The following HTR7 variants were observed in gnomAD, a reference collection of about 807,000 sequenced individuals.
The protein encoded by HTR7 is 5-hydroxytryptamine receptor 7.
In HTR7, 16 loss-of-function variants were observed where a neutral mutation model predicts 34.0. That is an observed-to-expected ratio of 0.47 (90% confidence interval 0.32 to 0.71). The LOEUF (loss-of-function observed/expected upper bound fraction) is 0.71. Ranked by LOEUF, HTR7 falls within the 30% of genes least tolerant of loss-of-function variation. HTR7 has a pLI of 0.04. For synonymous variants in HTR7, 265 were observed against 260.2 expected (o/e 1.02, Z -0.18); for missense variants, 504 against 625.5 (o/e 0.81, Z 2.07).
At chr10:90,835,859 G>T (rs1846244920) in intron 1 of HTR7, among the ~76,000 whole-genome samples, 1 of 152,042 alleles carries the variant, frequency 6.6e-6, no homozygotes. Context: ...GAATCTCAAA[G>T]AATGTTTAGG....
chr10:90,843,129 CCTT>C (rs931728395), intron 1 of HTR7, among the ~76,000 whole-genome samples: 21 of 152,222 alleles, frequency 1.4e-4, no homozygotes, highest in African/African-American at 4.8e-4. Flanking sequence ...CTCCTTCCCT[CCTT>C]TTTTTTCCTT....
At chr10:90,808,478 G>A (rs150024681) in intron 1 of HTR7, among the ~76,000 whole-genome samples, 38 of 152,146 alleles carry the variant, frequency 2.5e-4, no homozygotes, top group African/African-American at 7.7e-4. Flanking sequence ...TCTGCGCCCC[G>A]ATCCCTTATG....
intron 1 of HTR7, among the ~76,000 whole-genome samples, chr10:90,763,671 G>C (rs1844974330): frequency 6.6e-6 from 1 of 152,038 alleles, no homozygotes; most frequent in South Asian, 2.1e-4. Flanking sequence ...CTGTGTCCAT[G>C]AGTTCTCACT....
At chr10:90,751,902 G>A (rs1324535181) in intron 1 of HTR7, among the ~76,000 whole-genome samples, 1 of 151,942 alleles carries the variant, frequency 6.6e-6, no homozygotes, top group African/African-American at 2.4e-5. Context: ...AGATTAATCC[G>A]GAGAGATTAA....
chr10:90,806,954 G>T (rs370920173), intron 1 of HTR7, among the ~76,000 whole-genome samples: 1 of 152,196 alleles, frequency 6.6e-6, no homozygotes, highest in African/African-American at 2.4e-5. Flanking sequence ...CAAGAAGGTA[G>T]CTAATGTGAG....
Position 90,743,506 on chromosome 10 carries a change from C to T in HTR7, c.1393+87G>A, listed in dbSNP as rs557501835. On this transcript the variant is annotated intron_variant, in intron 3 of 3. Transcript: ENST00000336152. Reference sequence around the variant, plus strand: ...AGGAGAGACAGTGCTTTCTCCAGCTCAGCACGGCTCTGCTCACATAGTTCA... The same window carrying T: ...AGGAGAGACAGTGCTTTCTCCAGCTTAGCACGGCTCTGCTCACATAGTTCA... The T allele has an allele frequency of 1.0e-5, 11 of 1,069,912 alleles. 1 individual carries two copies. Among genetic ancestry groups the T allele is most frequent in the South Asian group, 1.0e-4 (8 of 78,208 alleles). 66.3% of individuals were successfully genotyped at this position (1,069,912 alleles called of 1,614,324 possible). A position where few individuals can be genotyped will look rare whatever the true frequency, so the allele number is the denominator to read the frequency against.
intron 1 of HTR7, among the ~76,000 whole-genome samples, chr10:90,812,317 A>T (rs1295992043): frequency 6.6e-6 from 1 of 152,078 alleles, no homozygotes; most frequent in African/African-American, 2.4e-5. Flanking sequence ...GCTCTTGTTT[A>T]CACTGCCGGT....
At chr10:90,771,771 A>G (rs1303636357) in intron 1 of HTR7, among the ~76,000 whole-genome samples, 1 of 152,204 alleles carries the variant, frequency 6.6e-6, no homozygotes, top group African/African-American at 2.4e-5. Context: ...GGCTGGTAGC[A>G]CAAGCCAAGT....
chr10:90,842,057 T>C (rs1846337598), intron 1 of HTR7, among the ~76,000 whole-genome samples: 1 of 152,098 alleles, frequency 6.6e-6, no homozygotes, highest in Non-Finnish European at 1.5e-5. Flanking sequence ...TGTTATGGTT[T>C]GAATGTATAT....
At chr10:90,823,563 G>GA (rs1042294952) in intron 1 of HTR7, among the ~76,000 whole-genome samples, 1 of 152,200 alleles carries the variant, frequency 6.6e-6, no homozygotes, top group African/African-American at 2.4e-5. Flanking sequence ...TTTGGACTTG[G>GA]ACTTTTGAGT....
intron 1 of HTR7, among the ~76,000 whole-genome samples, chr10:90,754,796 T>G (rs1263751426): frequency 1.3e-5 from 2 of 152,184 alleles, no homozygotes; most frequent in East Asian, 1.9e-4. Flanking sequence ...TGCTATAGAA[T>G]GATAATTTAG....
chr10:90,856,018 A>T (rs1332460450), intron 1 of HTR7, among the ~76,000 whole-genome samples: 1 of 152,212 alleles, frequency 6.6e-6, no homozygotes, highest in Non-Finnish European at 1.5e-5. Flanking sequence ...AAAAAAAGGA[A>T]AATCTCAGTT....
intron 1 of HTR7, among the ~76,000 whole-genome samples, chr10:90,831,572 C>T (rs767445523): frequency 1.3e-5 from 2 of 152,196 alleles, no homozygotes; most frequent in Non-Finnish European, 2.9e-5. Flanking sequence ...GGGACCCCAG[C>T]GGGTTGCCAC....
intron 1 of HTR7, among the ~76,000 whole-genome samples, chr10:90,800,922 A>G (rs572061743): frequency 5.9e-5 from 9 of 152,314 alleles, no homozygotes; most frequent in Non-Finnish European, 7.3e-5. Flanking sequence ...ATTAACTCTG[A>G]CGGGATCTCA....
intron 1 of HTR7, among the ~76,000 whole-genome samples, chr10:90,815,383 T>A (rs1016563761): frequency 6.6e-6 from 1 of 152,196 alleles, no homozygotes; most frequent in Non-Finnish European, 1.5e-5. Context: ...AAAGTTGGAA[T>A]GTTTAAACAG....
chr10:90,754,615 A>G (rs1047859340), intron 1 of HTR7, among the ~76,000 whole-genome samples: 8 of 152,220 alleles, frequency 5.3e-5, no homozygotes, highest in African/African-American at 1.9e-4. Flanking sequence ...TATGCAACTC[A>G]CAATAGGGGT....
In HTR7 at chr10:90,821,479, T is replaced by G. The variant is rs186603146; in HGVS notation, c.539+35654A>C. On this transcript the variant is annotated intron_variant, in intron 1 of 3. Coordinates refer to ENST00000336152, the MANE Select transcript of HTR7 (RefSeq NM_019859.4). ...AAGGGGAATTGTCCCTGCCAGCAGTTAGAACTTGAGTTCCAGCAAGCCTTG... is the reference window on the plus strand; with the variant it reads ...AAGGGGAATTGTCCCTGCCAGCAGTGAGAACTTGAGTTCCAGCAAGCCTTG... Among the ~76,000 whole-genome samples, 115 of 152,312 alleles carry G rather than the reference T, an allele frequency of 7.6e-4. 1 individual carries two copies. Among genetic ancestry groups the G allele is most frequent in the Non-Finnish European group, 9.9e-4 (67 of 68,020 alleles).
intron 1 of HTR7, among the ~76,000 whole-genome samples, chr10:90,806,786 T>A (rs939123237): frequency 1.3e-5 from 2 of 152,100 alleles, no homozygotes; most frequent in African/African-American, 4.8e-5. Context: ...TTATCTATAA[T>A]AGCTAAAACA....
intron 1 of HTR7, among the ~76,000 whole-genome samples, chr10:90,810,451 T>G (rs1386222737): frequency 7.9e-5 from 12 of 152,208 alleles, no homozygotes; most frequent in Admixed American, 7.9e-4. Context: ...GATTAAAGCC[T>G]GTTATCACTC....
Sources: allele counts gnomAD v4.1 joint callset (sites outside exome capture counted in the v4.1 genomes callset), GRCh38; gene constraint gnomAD v4.1.1; transcripts MANE v1.5; gene names NCBI Gene and HGNC (gene_info 2026-07-23, HGNC 2026-07-21).